SLC17A1: variants seen among roughly 807,000 people sequenced by gnomAD.
The protein encoded by SLC17A1 is solute carrier family 17 member 1.
A neutral mutation model predicts 53.5 loss-of-function variants in SLC17A1; 51 were observed. That is an observed-to-expected ratio of 0.95 (90% CI 0.76 to 1.20). The LOEUF (loss-of-function observed/expected upper bound fraction) is 1.20, where lower values mean the gene tolerates loss of function less well. Among genes scored for constraint, SLC17A1 ranks in the 50% most tolerant of loss-of-function variants. The probability of loss-of-function intolerance (pLI) is 0.00; values close to 1 mark genes in which losing one functional copy is unlikely to be tolerated. For missense variants in SLC17A1, 538 were observed against 568.2 expected, an observed-to-expected ratio of 0.95 and a Z score of 0.54; for synonymous variants, 179 against 198.8, an observed-to-expected ratio of 0.90 and a Z score of 0.84.
the SLC17A1 span, chr6:25,776,491 G>A: frequency 1.8e-4 from 236 of 1,346,568 alleles, no homozygotes; most frequent in South Asian, 4.0e-4. Flanking sequence ...AAAGTGATGC[G>A]TATATAAAGA....
At chr6:25,783,645 G>T (rs1763315192) in intron 12 of SLC17A1, among the ~76,000 whole-genome samples, 1 of 152,106 alleles carries the variant, frequency 6.6e-6, no homozygotes, top group Admixed American at 6.6e-5. Flanking sequence ...GTTTGATACT[G>T]CCACTCTCCC....
chr6:25,763,291 C>A, the SLC17A1 span, among the ~76,000 whole-genome samples: 16 of 152,306 alleles, frequency 1.1e-4, no homozygotes, highest in Admixed American at 9.2e-4. Context: ...CAAACAGCAT[C>A]ATGCTACTAA....
At chr6:25,742,027 T>G in the SLC17A1 span, among the ~76,000 whole-genome samples, 1 of 152,196 alleles carries the variant, frequency 6.6e-6, no homozygotes, top group African/African-American at 2.4e-5. Context: ...TCAAATACTC[T>G]GTGTTCTCAG....
At chr6:25,807,757 G>A (rs568792264) in intron 10 of SLC17A1, among the ~76,000 whole-genome samples, 1 of 152,042 alleles carries the variant, frequency 6.6e-6, no homozygotes, top group Admixed American at 6.6e-5. Flanking sequence ...TAGAATAATG[G>A]TCTCCAACTT....
the SLC17A1 span, among the ~76,000 whole-genome samples, chr6:25,755,048 T>TACACACAC: frequency 6.4e-3 from 922 of 145,050 alleles, 6 homozygotes; most frequent in African/African-American, 0.014. Flanking sequence ...CACACACACA[T>TACACACAC]ACACACACAC....
intron 12 of SLC17A1, among the ~76,000 whole-genome samples, chr6:25,794,574 G>A (rs1441833894): frequency 2.0e-5 from 3 of 152,082 alleles, no homozygotes; most frequent in African/African-American, 7.2e-5. Flanking sequence ...AAAACCTAGA[G>A]AACTACCTCA....
At chr6:25,809,835 T>G (rs527330984) in intron 10 of SLC17A1, among the ~76,000 whole-genome samples, 1 of 152,172 alleles carries the variant, frequency 6.6e-6, no homozygotes, top group South Asian at 2.1e-4. Flanking sequence ...ATAACAAAAC[T>G]GGAGGCAGCA....
chr6:25,742,525 A>G, the SLC17A1 span, among the ~76,000 whole-genome samples: 2 of 151,762 alleles, frequency 1.3e-5, no homozygotes, highest in Non-Finnish European at 2.9e-5. Flanking sequence ...AAAAAAAAAA[A>G]AACAGATGGG....
chr6:25,743,635 C>A, the SLC17A1 span, among the ~76,000 whole-genome samples: 148,899 of 152,272 alleles, frequency 0.98, 72,880 homozygotes, highest in East Asian at 1. Context: ...TTAAGAAAAA[C>A]TATATTGTGA....
At chr6:25,826,158 A>C (rs1048183094) in intron 3 of SLC17A1, among the ~76,000 whole-genome samples, 2 of 151,874 alleles carry the variant, frequency 1.3e-5, no homozygotes, top group Non-Finnish European at 2.9e-5. Context: ...TTCACCTTCC[A>C]CTCCTAATTT....
chr6:25,746,651 T>A, the SLC17A1 span, among the ~76,000 whole-genome samples: 1 of 152,192 alleles, frequency 6.6e-6, no homozygotes, highest in Non-Finnish European at 1.5e-5. Flanking sequence ...AGACAAGTTA[T>A]TAAGCATAGA....
At chr6:25,726,739 C>CA in the SLC17A1 span, 1 of 1,078,864 alleles carries the variant, frequency 9.3e-7, no homozygotes, top group South Asian at 1.6e-5. Flanking sequence ...GTTTGAGGGC[C>CA]GTGCCTATAA....
intron 12 of SLC17A1, among the ~76,000 whole-genome samples, chr6:25,795,743 A>ACACACC (rs11279697): frequency 1.3e-5 from 2 of 150,970 alleles, no homozygotes. Context: ...TAAAATAAGC[A>ACACACC]CACACCCACA....
chr6:25,802,865 A>C (rs1763822315), intron 10 of SLC17A1, among the ~76,000 whole-genome samples: 1 of 143,862 alleles, frequency 7.0e-6, no homozygotes, highest in Non-Finnish European at 1.5e-5. Flanking sequence ...AGATAGGTTT[A>C]GGTGTGATTT....
the SLC17A1 span, chr6:25,732,667 C>A: frequency 7.4e-7 from 1 of 1,347,478 alleles, no homozygotes; most frequent in Non-Finnish European, 1.0e-6. Context: ...AGACCCGCAT[C>A]ATCCCGCGCC....
intron 11 of SLC17A1, among the ~76,000 whole-genome samples, 190 bp from the exon 12 acceptor site, chr6:25,799,109 A>C (rs188339372): frequency 1.3e-5 from 2 of 152,266 alleles, no homozygotes; most frequent in Admixed American, 6.5e-5. Context: ...TACTATATAC[A>C]TGTTGTTTAA....
intron 10 of SLC17A1, among the ~76,000 whole-genome samples, chr6:25,809,132 TGAAACAACTCA>T (rs1313050885): frequency 6.6e-6 from 1 of 151,850 alleles, no homozygotes; most frequent in Non-Finnish European, 1.5e-5. Context: ...TTGTCTTAAG[TGAAACAACTCA>T]GAAACAGAAA....
chr6:25,758,770 TTTTG>T, the SLC17A1 span, among the ~76,000 whole-genome samples: 3,237 of 152,258 alleles, frequency 0.021, 67 homozygotes, highest in African/African-American at 0.057. Context: ...CTTTTGTATT[TTTTG>T]TTTGTTTGTT....
chr6:25,816,378 C>T lies in SLC17A1; in HGVS notation c.616+2690G>A, dbSNP rs1378871137. Among the ~76,000 whole-genome samples the T allele has an allele frequency of 2.0e-5, 3 of 152,250 alleles. No individual in the cohort carries two copies. The South Asian group carries it at 6.2e-4, about 31-fold the overall frequency. ...CCAGTTGAATGGATGTTGGGAAGAG[C>T]CCTGCTGGTCTTTTCCAATATAACC... is the stretch of plus-strand genomic sequence containing the variant. On this transcript the variant is annotated intron_variant, in intron 6 of 12. Coordinates refer to ENST00000244527, the MANE Select transcript of SLC17A1 (RefSeq NM_005074.5).
Sources: gnomAD v4.1 joint callset for allele counts (sites outside exome capture counted in the v4.1 genomes callset) on GRCh38, gnomAD v4.1.1 for gene constraint, MANE v1.5 for transcripts, NCBI Gene and HGNC (gene_info 2026-07-23, HGNC 2026-07-21) for gene names.